Variants in ACBD6 observed in about 807,000 individuals in gnomAD.
ACBD6 encodes the protein acyl-CoA binding domain containing 6, also known as acyl-CoA-binding domain-containing protein 6.
ACBD6 carries 28 observed loss-of-function variants against 37.2 expected under a neutral mutation model. That is an observed-to-expected ratio of 0.75 (90% CI 0.56 to 1.03). The LOEUF is 1.03. ACBD6 is among the 50% of genes least tolerant of loss of function. The probability of loss-of-function intolerance (pLI) is 0.00; values close to 1 mark genes in which losing one functional copy is unlikely to be tolerated. For missense variants in ACBD6, 340 were observed against 337.4 expected (o/e 1.01, Z -0.06); for synonymous variants, 113 against 126.8 (o/e 0.89, Z 0.73).
intron 7 of ACBD6, among the ~76,000 whole-genome samples, chr1:180,309,253 G>C (rs1571343514): frequency 1.3e-5 from 2 of 152,300 alleles, no homozygotes. Flanking sequence ...TTCTGTACCA[G>C]TACATAAAGA....
chr1:180,459,394 T>C (rs12081607), intron 3 of ACBD6, among the ~76,000 whole-genome samples: 1,790 of 152,258 alleles, frequency 0.012, 33 homozygotes, highest in African/African-American at 0.04. Context: ...TAGACTGAAA[T>C]ATTCAATTCT....
At chr1:180,500,154 C>G (rs1044506221) in intron 1 of ACBD6, among the ~76,000 whole-genome samples, 2 of 148,204 alleles carry the variant, frequency 1.3e-5, no homozygotes, top group Non-Finnish European at 3.0e-5. Flanking sequence ...AAAAAGAACA[C>G]AGCAGGACCT....
At chr1:180,438,061 C>A (rs184205315) in intron 3 of ACBD6, among the ~76,000 whole-genome samples, 4 of 152,274 alleles carry the variant, frequency 2.6e-5, no homozygotes, top group East Asian at 1.9e-4. Context: ...CTGAGCTCCA[C>A]CTCCTGTGAG....
At chr1:180,462,677 T>C (rs1650196272) in intron 3 of ACBD6, among the ~76,000 whole-genome samples, 1 of 152,108 alleles carries the variant, frequency 6.6e-6, no homozygotes, top group African/African-American at 2.4e-5. Flanking sequence ...ATCACTGAGA[T>C]GAAAAATTAA....
rs565836604 is a variant in ACBD6 at position 180,495,097 on chromosome 1, C to T, written c.287+364G>A. ...AAAAATGGGGATTTATCCTGCTCTT[C>T]TGCCCTTCCCATCATTCTGGCCTTC... On this transcript the variant is annotated intron_variant, in intron 2 of 7. Transcript: ENST00000367595. 7.7e-4 allele frequency among the ~76,000 whole-genome samples: 118 copies of T among 152,328 alleles called. 2 individuals carry two copies. Among genetic ancestry groups the T allele is most frequent in the Middle Eastern group, 3.4e-3 (1 of 294 alleles).
rs925969315 is a variant in ACBD6 at position 180,269,827 on chromosome 1, G to T, written c.*3398C>A. On this transcript the variant is annotated 3_prime_UTR_variant, in exon 14 of 14. Transcript: ENST00000642319. ...GAAGGCATTTTGGAGGTTCCCCTTT[G>T]TCTTTTGGAATGACTCTCTAAGTAG... 4.2e-4 allele frequency: 64 copies of T among 152,204 alleles called. 3 individuals are homozygous for T. Among genetic ancestry groups the T allele is most frequent in the Non-Finnish European group, 4.4e-5 (3 of 68,056 alleles). 9.4% of individuals were successfully genotyped at this position (152,204 alleles called of 1,614,324 possible). A position where few individuals can be genotyped will look rare whatever the true frequency, so the allele number is the denominator to read the frequency against.
intron 3 of ACBD6, among the ~76,000 whole-genome samples, chr1:180,484,880 A>G (rs1209903651): frequency 6.6e-6 from 1 of 152,000 alleles, no homozygotes; most frequent in Non-Finnish European, 1.5e-5. Flanking sequence ...CCTGGCCAAC[A>G]TGGTGAAACC....
chr1:180,366,117 T>G (rs1478112656), intron 6 of ACBD6, among the ~76,000 whole-genome samples: 1 of 152,220 alleles, frequency 6.6e-6, no homozygotes. Flanking sequence ...ATGCACATAC[T>G]TATTTAAATA....
chr1:180,403,803 G>C (rs765399429), intron 5 of ACBD6, among the ~76,000 whole-genome samples: 4 of 152,162 alleles, frequency 2.6e-5, no homozygotes, highest in African/African-American at 7.2e-5. Flanking sequence ...ACGTTACACT[G>C]AGTGAAATAA....
At chr1:180,285,730 T>C (rs2794968), downstream of ACBD6, among the ~76,000 whole-genome samples, 18,892 of 152,094 alleles carry the variant, frequency 0.12, 1,894 homozygotes, top group African/African-American at 0.28. Flanking sequence ...AGTAGTTAAA[T>C]CTGGCAGGAA....
Position 180,502,134 on chromosome 1 carries a change from G to C in ACBD6, c.133C>G (p.Leu45Val), listed in dbSNP as rs755817550. The change falls in exon 1 of 8, where the codon CTG (leucine) becomes GTG (valine). Residue 45 changes from leucine to valine, a missense_variant. Physicochemically the swap from Leu to Val is conservative, Grantham distance 32 (BLOSUM62 1). Transcript: ENST00000367595. ...AGGTGCGCGGCAGCCTTCTCAAACA[G>C]CTCGGCCAGGCAACTGGTCTCCTCG... ...EIEETSCLAE[L>V]FEKAAAHLQG... 1.9e-5 allele frequency: 31 copies of C among 1,613,928 alleles called. No individual in the cohort carries two copies. Among genetic ancestry groups the C allele is most frequent in the Non-Finnish European group, 2.6e-5 (31 of 1,179,988 alleles).
At chr1:180,455,987 G>A (rs1362210630) in intron 3 of ACBD6, among the ~76,000 whole-genome samples, 1 of 152,096 alleles carries the variant, frequency 6.6e-6, no homozygotes, top group South Asian at 2.1e-4. Flanking sequence ...AAGGCGGGCG[G>A]ATCACCTGAG....
chr1:180,483,835 T>A (rs193083761), intron 3 of ACBD6, among the ~76,000 whole-genome samples: 1 of 152,276 alleles, frequency 6.6e-6, no homozygotes, highest in African/African-American at 2.4e-5. Flanking sequence ...TATTAGTACT[T>A]GAAAGCTTTT....
chr1:180,418,233 CT>C (rs1177547229), intron 4 of ACBD6, among the ~76,000 whole-genome samples: 2 of 151,902 alleles, frequency 1.3e-5, no homozygotes, highest in African/African-American at 4.8e-5. Flanking sequence ...GTTTTTCTCC[CT>C]GAAAAAAAGA....
intron 3 of ACBD6, among the ~76,000 whole-genome samples, chr1:180,476,970 A>T (rs1015564598): frequency 6.6e-6 from 1 of 152,210 alleles, no homozygotes; most frequent in Non-Finnish European, 1.5e-5. Flanking sequence ...AAGCTAACCA[A>T]AACATTACAC....
At chr1:180,285,879 A>C (rs180761580), downstream of ACBD6, among the ~76,000 whole-genome samples, 58 of 152,072 alleles carry the variant, frequency 3.8e-4, no homozygotes, top group African/African-American at 1.3e-3. Context: ...CTACCTGACA[A>C]GCATAAGAGA....
rs535235778 is a variant in ACBD6, at chr1:180,288,341, C to T, written c.*22G>A. On this transcript the variant is annotated 3_prime_UTR_variant, in exon 8 of 8. Coordinates refer to ENST00000367595, the MANE Select transcript of ACBD6 (RefSeq NM_032360.4). ...AATGGAAGCCTTATGCTATTACAGA[C>T]TGCAGTTTTCCAGTCTTTTGATTAA... The T allele has an allele frequency of 3.1e-6, 5 of 1,613,478 alleles. No homozygotes were observed. Among genetic ancestry groups the T allele is most frequent in the East Asian group, 4.5e-5 (2 of 44,878 alleles).
chr1:180,372,666 T>C (rs1468008677), intron 6 of ACBD6, among the ~76,000 whole-genome samples: 2 of 152,160 alleles, frequency 1.3e-5, no homozygotes, highest in Non-Finnish European at 2.9e-5. Context: ...AAAAAATGCA[T>C]CCTTAGAGAA....
chr1:180,492,508 T>C, intron 2 of ACBD6, 143 bp from the exon 3 acceptor site: 1 of 717,334 alleles, frequency 1.4e-6, no homozygotes, highest in Non-Finnish European at 2.4e-6. Context: ...AGCTCTGTCT[T>C]TTTGCATTTA....
Sources: gnomAD v4.1 joint callset for allele counts (sites outside exome capture counted in the v4.1 genomes callset) on GRCh38, gnomAD v4.1.1 for gene constraint, MANE v1.5 for transcripts, NCBI Gene and HGNC (gene_info 2026-07-23, HGNC 2026-07-21) for gene names.